PDGFD: variants seen among roughly 807,000 people sequenced by gnomAD.
The protein encoded by PDGFD is platelet derived growth factor D, also known as platelet-derived growth factor D.
In PDGFD, 30 loss-of-function variants were observed where a neutral mutation model predicts 44.7. The observed-to-expected ratio is 0.67, with a 90% CI of 0.50 to 0.91. PDGFD has a LOEUF of 0.91. Among genes scored for constraint, PDGFD ranks in the 40% least tolerant of loss-of-function variants. PDGFD has a pLI of 0.00. For missense variants in PDGFD, 445 were observed against 457.8 expected (o/e 0.97, Z 0.25); for synonymous variants, 173 against 168.4 (o/e 1.03, Z -0.21).
chr11:104,112,870 G>A (rs1591169901), intron 1 of PDGFD, among the ~76,000 whole-genome samples: 1 of 152,088 alleles, frequency 6.6e-6, no homozygotes, highest in Non-Finnish European at 1.5e-5. Flanking sequence ...GGGCTTTTCT[G>A]AGGGTAGAGG....
At chr11:104,038,755 T>G (rs1286615043) in intron 1 of PDGFD, 1 of 167,042 alleles carries the variant, frequency 6.0e-6, no homozygotes, top group Non-Finnish European at 1.5e-5. Flanking sequence ...TTAGATTTTT[T>G]AAAAAAGAAA....
At chr11:104,030,744 A>G (rs1860111188) in intron 1 of PDGFD, among the ~76,000 whole-genome samples, 2 of 152,194 alleles carry the variant, frequency 1.3e-5, no homozygotes, top group African/African-American at 4.8e-5. Context: ...TACATCAAGG[A>G]AAGGATAGCT....
At chr11:104,162,533 T>G (rs1294921607) in intron 1 of PDGFD, among the ~76,000 whole-genome samples, 1 of 152,144 alleles carries the variant, frequency 6.6e-6, no homozygotes, top group East Asian at 1.9e-4. Flanking sequence ...GGCTGGAATC[T>G]TTTACATAAA....
chr11:104,114,312 T>G (rs1041920783), intron 1 of PDGFD, among the ~76,000 whole-genome samples: 3 of 150,260 alleles, frequency 2.0e-5, no homozygotes, highest in Non-Finnish European at 4.5e-5. Context: ...TTTTTCTGCA[T>G]GTGGATGCCT....
intron 1 of PDGFD, among the ~76,000 whole-genome samples, chr11:104,035,555 C>G (rs1324203978): frequency 1.7e-4 from 19 of 111,486 alleles, no homozygotes; most frequent in African/African-American, 6.0e-4. Flanking sequence ...TTCCTTACTT[C>G]TTTTTCTTTT....
intron 1 of PDGFD, among the ~76,000 whole-genome samples, chr11:104,021,693 T>G (rs1859956903): frequency 6.6e-6 from 1 of 152,132 alleles, no homozygotes; most frequent in Non-Finnish European, 1.5e-5. Flanking sequence ...CTCGACTTGA[T>G]CTCAAACACA....
intron 3 of PDGFD, among the ~76,000 whole-genome samples, chr11:103,989,846 A>G (rs1021907254): frequency 6.6e-6 from 1 of 152,186 alleles, no homozygotes; most frequent in African/African-American, 2.4e-5. Context: ...TTTATGTGCC[A>G]TGCACTATGA....
chr11:104,087,505 G>A (rs567278426), intron 1 of PDGFD, among the ~76,000 whole-genome samples: 4 of 152,118 alleles, frequency 2.6e-5, no homozygotes, highest in Admixed American at 6.5e-5. Context: ...CTGAGCCACC[G>A]TGCCCAACCA....
At chr11:104,021,064 C>T (rs1357512986) in intron 1 of PDGFD, among the ~76,000 whole-genome samples, 1 of 152,092 alleles carries the variant, frequency 6.6e-6, no homozygotes, top group African/African-American at 2.4e-5. Flanking sequence ...TACCTGGGGT[C>T]ATAATTAATC....
chr11:104,027,944 A>C (rs1860068635), intron 1 of PDGFD, among the ~76,000 whole-genome samples: 1 of 151,894 alleles, frequency 6.6e-6, no homozygotes. Flanking sequence ...TAATCTCAGC[A>C]CTTTGGGAGA....
At position 104,055,220 on chromosome 11, in the gene PDGFD, T is replaced by C. The variant is rs374171992; in HGVS notation, c.125-54965A>G. ...TTGGCAAACAGTCAGCAAGTATTTATTGGAAGGAGCGCAGATGTGTTCCTT... is the reference window on the plus strand; with the variant it reads ...TTGGCAAACAGTCAGCAAGTATTTACTGGAAGGAGCGCAGATGTGTTCCTT... On this transcript the variant is annotated intron_variant, in intron 1 of 6. Transcript: ENST00000393158. Among the ~76,000 whole-genome samples the C allele has an allele frequency of 4.3e-4, 65 of 152,342 alleles. No individual in the cohort carries two copies. The South Asian group carries it at 0.011, about 26-fold the overall frequency.
chr11:103,931,363 A>T (rs1347103425), intron 5 of PDGFD, among the ~76,000 whole-genome samples: 1 of 152,180 alleles, frequency 6.6e-6, no homozygotes. Flanking sequence ...TGTTCTCCAC[A>T]TGCACAATAA....
intron 6 of PDGFD, among the ~76,000 whole-genome samples, chr11:103,922,339 A>G (rs1367036042): frequency 2.0e-5 from 3 of 152,192 alleles, no homozygotes; most frequent in Admixed American, 6.5e-5. Context: ...TTTATATTCT[A>G]TGATGGGGTT....
rs547585441 is a variant in PDGFD at position 104,063,506 on chromosome 11, C to A, written c.125-63251G>T. ...TCCAGCACCATCAAAAATTATGTTACCTGAAAGCAGTAGGTGTATACCTCA... is the reference window on the plus strand; with the variant it reads ...TCCAGCACCATCAAAAATTATGTTAACTGAAAGCAGTAGGTGTATACCTCA... On this transcript the variant is annotated intron_variant, in intron 1 of 6. Transcript: ENST00000393158. Among the ~76,000 whole-genome samples the A allele has an allele frequency of 3.9e-5, 6 of 152,136 alleles. No homozygotes were observed. The South Asian group carries it at 1.2e-3, about 32-fold the overall frequency.
chr11:104,064,218 C>A (rs906565533), intron 1 of PDGFD, among the ~76,000 whole-genome samples: 2 of 152,190 alleles, frequency 1.3e-5, no homozygotes, highest in African/African-American at 4.8e-5. Context: ...CACTTCATAG[C>A]CATCACCTAA....
At chr11:104,159,796 C>T (rs1862363201) in intron 1 of PDGFD, among the ~76,000 whole-genome samples, 2 of 152,158 alleles carry the variant, frequency 1.3e-5, no homozygotes, top group Admixed American at 1.3e-4. Flanking sequence ...ATTTAATAAA[C>T]TCATTATGGT....
At chr11:103,958,322 T>G (rs1858887930) in intron 3 of PDGFD, among the ~76,000 whole-genome samples, 4 of 152,184 alleles carry the variant, frequency 2.6e-5, no homozygotes, top group Admixed American at 2.6e-4. Flanking sequence ...ATCCTTTTTA[T>G]AAAATAAACG....
intron 5 of PDGFD, among the ~76,000 whole-genome samples, 178 bp downstream of exon 5, chr11:103,943,274 C>G (rs1419904514): frequency 6.6e-6 from 1 of 152,120 alleles, no homozygotes; most frequent in African/African-American, 2.4e-5. Flanking sequence ...TTTTGGAGTT[C>G]AGATTTTTGG....
chr11:103,984,571 A>C (rs1438550533), intron 3 of PDGFD, among the ~76,000 whole-genome samples: 1 of 151,650 alleles, frequency 6.6e-6, no homozygotes, highest in Non-Finnish European at 1.5e-5. Flanking sequence ...AGTTAAAAAA[A>C]AGAAATGTGC....
Sources: allele counts gnomAD v4.1 joint callset (sites outside exome capture counted in the v4.1 genomes callset), GRCh38; gene constraint gnomAD v4.1.1; transcripts MANE v1.5; gene names NCBI Gene and HGNC (gene_info 2026-07-23, HGNC 2026-07-21).